The following TRIP12 variants were observed in gnomAD, a reference collection of about 807,000 sequenced individuals.
The protein encoded by TRIP12 is E3 ubiquitin-protein ligase TRIP12.
TRIP12 carries 25 observed loss-of-function variants against 244.2 expected under a neutral mutation model. The ratio of observed to expected loss-of-function variants is 0.10; its 90% CI spans 0.07 to 0.14. The LOEUF (loss-of-function observed/expected upper bound fraction) is 0.14, where lower values mean the gene tolerates loss of function less well. Among genes scored for constraint, TRIP12 ranks in the 10% least tolerant of loss-of-function variants. The pLI, the probability that TRIP12 is intolerant of heterozygous loss-of-function variation, is 1.00. For missense variants in TRIP12, 1,677 were observed against 2,486.4 expected, an observed-to-expected ratio of 0.67 and a Z score of 6.92; for synonymous variants, 905 against 873.1, an observed-to-expected ratio of 1.04 and a Z score of -0.64.
chr2:229,872,757 A>G (rs2062896851), intron 2 of TRIP12, among the ~76,000 whole-genome samples: 1 of 152,192 alleles, frequency 6.6e-6, no homozygotes, highest in African/African-American at 2.4e-5. Context: ...ACCTTCTACA[A>G]ACTCTTAAGT....
intron 1 of TRIP12, among the ~76,000 whole-genome samples, chr2:229,918,517 G>C (rs1188271053): frequency 6.6e-6 from 1 of 152,174 alleles, no homozygotes; most frequent in African/African-American, 2.4e-5. Context: ...AATTTCATTA[G>C]AGTCACAAAC....
At chr2:229,871,389 G>A (rs2062574681) in intron 2 of TRIP12, among the ~76,000 whole-genome samples, 1 of 152,178 alleles carries the variant, frequency 6.6e-6, no homozygotes. Context: ...GGGCCTGGTG[G>A]GAGGTGTTTG....
At chr2:229,819,630 A>G (rs1175277455) in intron 8 of TRIP12, among the ~76,000 whole-genome samples, 1 of 152,224 alleles carries the variant, frequency 6.6e-6, no homozygotes, top group Non-Finnish European at 1.5e-5. Context: ...ACCACAATTA[A>G]TTAAATTAAC....
chr2:229,832,690 G>C (rs145267683), intron 6 of TRIP12, among the ~76,000 whole-genome samples: 1 of 152,216 alleles, frequency 6.6e-6, no homozygotes. Flanking sequence ...GCCAAGGTCA[G>C]ATAGCTAGTT....
At chr2:229,891,416 C>T (rs1337070930) in intron 1 of TRIP12, among the ~76,000 whole-genome samples, 4 of 151,916 alleles carry the variant, frequency 2.6e-5, no homozygotes, top group Non-Finnish European at 5.9e-5. Flanking sequence ...CAGAGCGAAA[C>T]TGTCTCAAAA....
chr2:229,844,155 T>G (rs2057092026), intron 4 of TRIP12, among the ~76,000 whole-genome samples: 1 of 152,262 alleles, frequency 6.6e-6, no homozygotes, highest in African/African-American at 2.4e-5. Flanking sequence ...CTTACTCTTA[T>G]GTAAGAATAG....
chr2:229,862,633 A>G (rs2060655349), intron 2 of TRIP12, among the ~76,000 whole-genome samples: 1 of 152,242 alleles, frequency 6.6e-6, no homozygotes, highest in East Asian at 1.9e-4. Flanking sequence ...TGAAAAATAA[A>G]TGCCCAAAAC....
At position 229,826,647 on chromosome 2, in the gene TRIP12, C is replaced by T. The variant is rs547933261; in HGVS notation, c.1450+2546G>A. On this transcript the variant is annotated intron_variant, in intron 8 of 41. Coordinates refer to ENST00000675903, the MANE Select transcript of TRIP12 (RefSeq NM_001348323.3). ...GTATACCTAAACCAAGATGGTACAG[C>T]CTACTACACACCTAGGCTGTCTAGT... 3.3e-5 allele frequency among the ~76,000 whole-genome samples: 5 copies of T among 152,272 alleles called. No homozygotes were observed. The South Asian group carries it at 1.0e-3, about 32-fold the overall frequency.
chr2:229,922,755 C>T, upstream of TRIP12: 2 of 773,070 alleles, frequency 2.6e-6, no homozygotes, highest in Middle Eastern at 3.5e-4. Flanking sequence ...TTTTCCTCGT[C>T]ACCTCGGCCT....
chr2:229,891,871 G>T (rs932551905), intron 1 of TRIP12, among the ~76,000 whole-genome samples: 1 of 152,144 alleles, frequency 6.6e-6, no homozygotes, highest in Non-Finnish European at 1.5e-5. Flanking sequence ...AATCACGATG[G>T]TCACTGCAGT....
intron 9 of TRIP12, among the ~76,000 whole-genome samples, chr2:229,816,304 C>T (rs577361174): frequency 1.6e-3 from 244 of 148,484 alleles, no homozygotes; most frequent in African/African-American, 5.9e-3. Flanking sequence ...ATAACACATA[C>T]ACACACTCCA....
intron 8 of TRIP12, among the ~76,000 whole-genome samples, chr2:229,823,255 C>T (rs1343963046): frequency 2.6e-5 from 4 of 152,176 alleles, no homozygotes; most frequent in Non-Finnish European, 4.4e-5. Flanking sequence ...CATTAAGGGT[C>T]AAGGAAACAT....
At chr2:229,787,223 G>A (rs933926366) in intron 33 of TRIP12, among the ~76,000 whole-genome samples, 1 of 152,128 alleles carries the variant, frequency 6.6e-6, no homozygotes, top group Non-Finnish European at 1.5e-5. Context: ...TTCAGTGAGA[G>A]AAGACAAGAT....
intron 1 of TRIP12, among the ~76,000 whole-genome samples, chr2:229,908,964 C>T (rs1438472624): frequency 6.6e-6 from 1 of 151,610 alleles, no homozygotes; most frequent in African/African-American, 2.4e-5. Flanking sequence ...GTGGCACATA[C>T]CTGTGGTCCC....
At chr2:229,793,192 T>C (rs546221254) in intron 26 of TRIP12, 47 bp from the exon 27 acceptor site, 45 of 1,548,856 alleles carry the variant, frequency 2.9e-5, no homozygotes, top group Middle Eastern at 4.1e-4. Flanking sequence ...TTTTCACATT[T>C]AATATACATT....
intron 1 of TRIP12, among the ~76,000 whole-genome samples, chr2:229,915,209 C>T (rs2075148415): frequency 1.3e-5 from 2 of 151,964 alleles, no homozygotes; most frequent in East Asian, 1.9e-4. Context: ...GCCAAGATTG[C>T]GCCACTGCAC....
chr2:229,778,004 G>A lies in TRIP12; in HGVS notation c.5364+429C>T, dbSNP rs1200129601. 6.6e-6 allele frequency among the ~76,000 whole-genome samples: 1 copy of A among 152,176 alleles called. No individual in the cohort carries two copies. The highest frequency in any genetic ancestry group is 1.5e-5 in the Non-Finnish European group (1 of 68,032). On this transcript the variant is annotated intron_variant, in intron 36 of 41. Transcript: ENST00000675903. This position sits in a 1 kb window ranked among gnomAD's most constrained non-coding sequence, Gnocchi z 4.1. ...TGTCCAGAAACATTCCAACCTCTAT[G>A]AATACTGATCACTCGGGTTATTTTC...
At chr2:229,775,909 T>G (rs1369665165) in intron 37 of TRIP12, among the ~76,000 whole-genome samples, 1 of 152,034 alleles carries the variant, frequency 6.6e-6, no homozygotes, top group Non-Finnish European at 1.5e-5. Context: ...CCACTCATTT[T>G]ATATTTTTAA....
chr2:229,807,620 C>G, intron 17 of TRIP12, 88 bp downstream of exon 17: 5 of 1,492,686 alleles, frequency 3.3e-6, no homozygotes, highest in Non-Finnish European at 4.7e-6. Flanking sequence ...CAAGCACATT[C>G]AAATCCACAT....
Sources: gnomAD v4.1 joint callset for allele counts (sites outside exome capture counted in the v4.1 genomes callset) on GRCh38, gnomAD v4.1.1 for gene constraint, Gnocchi (gnomAD v3.1) non-coding constraint, MANE v1.5 for transcripts, NCBI Gene and HGNC (gene_info 2026-07-23, HGNC 2026-07-21) for gene names.